The following MEOX2 variants were observed in gnomAD, a reference collection of about 807,000 sequenced individuals.
MEOX2 encodes the protein mesenchyme homeobox 2.
A neutral mutation model predicts 27.0 loss-of-function variants in MEOX2; 11 were observed. The ratio of observed to expected loss-of-function variants is 0.41; its 90% CI spans 0.26 to 0.68. The LOEUF (loss-of-function observed/expected upper bound fraction) is 0.68, where lower values mean the gene tolerates loss of function less well. Among genes scored for constraint, MEOX2 ranks in the 30% least tolerant of loss-of-function variants. MEOX2 has a pLI of 0.33. For missense variants in MEOX2, 436 were observed against 385.4 expected, an observed-to-expected ratio of 1.13 and a Z score of -1.10; for synonymous variants, 189 against 155.4, an observed-to-expected ratio of 1.22 and a Z score of -1.61.
chr7:15,631,009 A>G (rs1781391855), intron 1 of MEOX2, among the ~76,000 whole-genome samples: 1 of 151,886 alleles, frequency 6.6e-6, no homozygotes, highest in African/African-American at 2.4e-5. Flanking sequence ...ATGATTCATG[A>G]ATGTGTCGAT....
intron 1 of MEOX2, among the ~76,000 whole-genome samples, chr7:15,659,696 G>A (rs1235817146): frequency 6.9e-6 from 1 of 143,886 alleles, no homozygotes; most frequent in Admixed American, 7.3e-5. Flanking sequence ...GGAGGCGGAG[G>A]TTGTAGTGAG....
rs1782163927 is a variant in MEOX2 at position 15,674,668 on chromosome 7, G to A, written c.517+11218C>T. Among the ~76,000 whole-genome samples the A allele has an allele frequency of 4.6e-5, 7 of 152,090 alleles. 1 individual carries two copies. The South Asian group carries it at 1.5e-3, about 32-fold the overall frequency. On this transcript the variant is annotated intron_variant, in intron 1 of 2. Coordinates refer to ENST00000262041, the MANE Select transcript of MEOX2 (RefSeq NM_005924.5). ...AACTGTATTTTTGATATTTAATTCT[G>A]TGTTTTGAGAGTCTTGTAAGAACTA...
chr7:15,643,971 G>A (rs979662755), intron 1 of MEOX2, among the ~76,000 whole-genome samples: 1 of 152,204 alleles, frequency 6.6e-6, no homozygotes. Context: ...TGGCCCCACT[G>A]CAGGAACAGT....
chr7:15,670,998 A>C (rs1782085785), intron 1 of MEOX2, among the ~76,000 whole-genome samples: 1 of 152,208 alleles, frequency 6.6e-6, no homozygotes, highest in Non-Finnish European at 1.5e-5. Flanking sequence ...TTGGGACACT[A>C]TGAGGCAGTA....
chr7:15,652,167 G>C (rs1781741472), intron 1 of MEOX2, among the ~76,000 whole-genome samples: 1 of 152,020 alleles, frequency 6.6e-6, no homozygotes, highest in Non-Finnish European at 1.5e-5. Flanking sequence ...TTCTGAAAAT[G>C]TGTTTTCAAA....
At position 15,626,886 on chromosome 7, in the gene MEOX2, T is replaced by C. The variant is rs569517497; in HGVS notation, c.550A>G (p.Asn184Asp). 3 of 1,612,470 alleles carry C rather than the reference T, an allele frequency of 1.9e-6. No homozygotes were observed. The highest frequency in any genetic ancestry group is 2.2e-5 in the South Asian group (2 of 90,988). Reference sequence around the variant, plus strand: ...GTCCTTTCTTTCCTGGGTTTGCTGTTGACTTCTGACTTGTAATTTCCTTCC... The same window carrying C: ...GTCCTTTCTTTCCTGGGTTTGCTGTCGACTTCTGACTTGTAATTTCCTTCC... ...SQEGNYKSEV[N>D]SKPRKERTAF... is the part of the protein sequence containing the mutation. Residue 184 changes from asparagine to aspartate, a missense_variant, in exon 2 of 3, where the codon AAC (asparagine) becomes GAC (aspartate). Coordinates refer to ENST00000262041, the MANE Select transcript of MEOX2 (RefSeq NM_005924.5).
intron 2 of MEOX2, among the ~76,000 whole-genome samples, chr7:15,622,413 T>C (rs1658660840): frequency 6.6e-6 from 1 of 152,128 alleles, no homozygotes; most frequent in African/African-American, 2.4e-5. Flanking sequence ...TGCATTTGAA[T>C]TTCAAAAGAC....
At chr7:15,664,743 C>T (rs1250308019) in intron 1 of MEOX2, among the ~76,000 whole-genome samples, 1 of 152,090 alleles carries the variant, frequency 6.6e-6, no homozygotes, top group African/African-American at 2.4e-5. Flanking sequence ...TTTGCAAGGG[C>T]TGTACAGATT....
In MEOX2 at chr7:15,612,616, A is replaced by C; in HGVS notation, c.691-5T>G. On this transcript the variant is annotated splice_polypyrimidine_tract_variant and splice_region_variant and intron_variant, in intron 2 of 2. Transcript: ENST00000262041. ...GTTTTGGAACCAGACTTTCACCTTC[A>C]ACCAAGAAAGGGAACAAACAAACAG... The C allele has an allele frequency of 1.9e-6, 3 of 1,612,590 alleles. No individual in the cohort carries two copies. The highest frequency in any genetic ancestry group is 2.5e-6 in the Non-Finnish European group (3 of 1,178,640).
intron 1 of MEOX2, among the ~76,000 whole-genome samples, chr7:15,653,459 C>T (rs752201527): frequency 5.3e-5 from 8 of 151,848 alleles, no homozygotes; most frequent in East Asian, 1.9e-4. Flanking sequence ...GGGTCTTTCA[C>T]GGAGCAAAAA....
chr7:15,637,864 G>C (rs1247449605), intron 1 of MEOX2, among the ~76,000 whole-genome samples: 2 of 151,878 alleles, frequency 1.3e-5, no homozygotes, highest in Non-Finnish European at 2.9e-5. Context: ...GTTGAAAATA[G>C]GAGAATTAGA....
chr7:15,619,405 C>T (rs118100547), intron 2 of MEOX2, among the ~76,000 whole-genome samples: 203 of 152,020 alleles, frequency 1.3e-3, no homozygotes, highest in Non-Finnish European at 2.1e-3. Context: ...TTGTTGATTA[C>T]ATATAAATTA....
intron 2 of MEOX2, among the ~76,000 whole-genome samples, chr7:15,624,036 T>C (rs1194906183): frequency 6.6e-6 from 1 of 152,258 alleles, no homozygotes; most frequent in Non-Finnish European, 1.5e-5. Context: ...ATACCCATTA[T>C]GATATACAAA....
In MEOX2 at chr7:15,672,015, C is replaced by T. The variant is rs186969674; in HGVS notation, c.517+13871G>A. On this transcript the variant is annotated intron_variant, in intron 1 of 2. Coordinates refer to ENST00000262041, the MANE Select transcript of MEOX2 (RefSeq NM_005924.5). Reference sequence around the variant, plus strand: ...GGCTGAGGAAGGAGAATCACTTGAACCCAGGAGGCGGGGGTTGCAATGAGC... The same window carrying T: ...GGCTGAGGAAGGAGAATCACTTGAATCCAGGAGGCGGGGGTTGCAATGAGC... Among the ~76,000 whole-genome samples the T allele has an allele frequency of 2.3e-3, 349 of 152,094 alleles. 1 individual carries two copies. Among genetic ancestry groups the T allele is most frequent in the Non-Finnish European group, 1.4e-3 (98 of 67,984 alleles).
intron 2 of MEOX2, among the ~76,000 whole-genome samples, chr7:15,626,298 A>C (rs1467792668): frequency 1.3e-5 from 2 of 152,232 alleles, no homozygotes; most frequent in African/African-American, 4.8e-5. Flanking sequence ...GTAAGTAATG[A>C]ACATTTTTAT....
At chr7:15,642,343 A>G (rs1294356736) in intron 1 of MEOX2, among the ~76,000 whole-genome samples, 1 of 152,040 alleles carries the variant, frequency 6.6e-6, no homozygotes, top group African/African-American at 2.4e-5. Context: ...TGTCTGACTG[A>G]GATAATTCAA....
intron 1 of MEOX2, among the ~76,000 whole-genome samples, chr7:15,655,012 G>C (rs1781796319): frequency 6.6e-6 from 1 of 151,610 alleles, no homozygotes; most frequent in Admixed American, 6.6e-5. Context: ...ATATGGGCCT[G>C]TATATATTTT....
chr7:15,626,974 T>G, intron 1 of MEOX2, 56 bp from the exon 2 acceptor site: 1 of 1,515,792 alleles, frequency 6.6e-7, no homozygotes, highest in Non-Finnish European at 9.1e-7. Context: ...ACACATGCAA[T>G]CATATTATTC....
intron 1 of MEOX2, chr7:15,677,581 G>C (rs897880051): frequency 6.6e-6 from 1 of 152,234 alleles, no homozygotes; most frequent in Non-Finnish European, 1.5e-5. Flanking sequence ...GACATGAGCT[G>C]CAATCCTCCA....
Sources: gnomAD v4.1 joint callset for allele counts (sites outside exome capture counted in the v4.1 genomes callset) on GRCh38, gnomAD v4.1.1 for gene constraint, MANE v1.5 for transcripts, NCBI Gene and HGNC (gene_info 2026-07-23, HGNC 2026-07-21) for gene names.